IQGAP3: variants seen among roughly 807,000 people sequenced by gnomAD.
IQGAP3 encodes IQ motif containing GTPase activating protein 3.
Under a neutral mutation model 208.2 loss-of-function variants are expected in IQGAP3, and 165 were observed. That is an observed-to-expected ratio of 0.79 (90% CI 0.70 to 0.90). IQGAP3 has a LOEUF of 0.90. Among genes scored for constraint, IQGAP3 ranks in the 40% least tolerant of loss-of-function variants. IQGAP3 has a pLI of 0.00. For synonymous variants in IQGAP3, 703 were observed against 803.6 expected, an observed-to-expected ratio of 0.87 and a Z score of 2.12; for missense variants, 1,811 against 2,043.1, an observed-to-expected ratio of 0.89 and a Z score of 2.19.
chr1:156,533,098 T>C lies in IQGAP3; in HGVS notation c.3985A>G (p.Ile1329Val). Residue 1329 changes from isoleucine to valine, a missense_variant, in exon 32 of 38, where the codon ATC (isoleucine) becomes GTC (valine). Coordinates refer to ENST00000361170, the MANE Select transcript of IQGAP3 (RefSeq NM_178229.5). Reference sequence around the variant, plus strand: ...AGGTCCGTGTGCCCATCTGCAGCGATGCTCTCACCTGAGGTGTGGTGAGGA... The same window carrying C: ...AGGTCCGTGTGCCCATCTGCAGCGACGCTCTCACCTGAGGTGTGGTGAGGA... ...PTIPDLIGES[I>V]AADGHTDLSK... is the part of the protein sequence containing the mutation. 6.2e-7 allele frequency: 1 copy of C among 1,613,978 alleles called. No individual in the cohort carries two copies. The highest frequency in any genetic ancestry group is 1.3e-5 in the African/African-American group (1 of 75,028).
chr1:156,540,955 TC>T (rs1674950191), intron 22 of IQGAP3, 39 bp from the exon 23 acceptor site: 1 of 1,551,232 alleles, frequency 6.4e-7, no homozygotes, highest in Non-Finnish European at 8.9e-7. Flanking sequence ...TAGCCATGCC[TC>T]ATCAGAGGCC....
At chr1:156,536,220 T>C (rs6660471) in intron 27 of IQGAP3, among the ~76,000 whole-genome samples, 151,306 of 152,210 alleles carry the variant, frequency 0.99, 75,207 homozygotes, top group Middle Eastern at 1. Flanking sequence ...GCCCTGGGCA[T>C]TCCAGCCTGG....
chr1:156,560,858 C>A, intron 11 of IQGAP3, 76 bp downstream of exon 11: 1 of 1,042,360 alleles, frequency 9.6e-7, no homozygotes, highest in Non-Finnish European at 1.5e-6. Flanking sequence ...AATACAGAAG[C>A]CAGCAAAGAG....
Position 156,534,570 on chromosome 1 carries a change from G to T in IQGAP3, c.3671C>A (p.Ala1224Asp). 1 of 1,612,104 alleles carries T rather than the reference G, an allele frequency of 6.2e-7. No individual in the cohort carries two copies. ...QLLQHAAAGK[A>D]FSGQSQHLRV... ...TAGGTGCTGGCTCTGCCCAGAGAAG[G>T]CCTTGCCAGCCGCAGCGTGCTGTAG... Residue 1224 changes from alanine to aspartate, a missense_variant, in exon 29 of 38, where the codon GCC (alanine) becomes GAC (aspartate). Transcript: ENST00000361170.
intron 37 of IQGAP3, among the ~76,000 whole-genome samples, chr1:156,526,867 C>T (rs531458768): frequency 3.0e-4 from 45 of 152,184 alleles, no homozygotes; most frequent in Admixed American, 2.0e-3. Flanking sequence ...GAGTCTCACT[C>T]GGTCTCCCAG....
At chr1:156,554,126 G>A in intron 13 of IQGAP3, 109 bp downstream of exon 13, 1 of 1,364,050 alleles carries the variant, frequency 7.3e-7, no homozygotes, top group Non-Finnish European at 1.0e-6. Context: ...GTGGGCCTGG[G>A]CCCAAGAATG....
At chr1:156,546,223 T>C (rs1675237146) in intron 19 of IQGAP3, among the ~76,000 whole-genome samples, 1 of 152,160 alleles carries the variant, frequency 6.6e-6, no homozygotes. Flanking sequence ...GGATCCTGGA[T>C]GGGGTTCTGG....
In IQGAP3 at chr1:156,552,655, G is replaced by A. The variant is rs527412499; in HGVS notation, c.1449-560C>T. On this transcript the variant is annotated intron_variant, in intron 13 of 37. Coordinates refer to ENST00000361170, the MANE Select transcript of IQGAP3 (RefSeq NM_178229.5). ...ACTCCTTTTTCCCATCTCCGCTACC[G>A]CCCAAGGCCAAGCCCCCATCATCTC... Among the ~76,000 whole-genome samples the A allele has an allele frequency of 5.3e-5, 8 of 152,150 alleles. No homozygotes were observed. In the South Asian group the frequency reaches 8.3e-4, roughly 16 times the overall value.
rs201228644 is a variant in IQGAP3, at chr1:156,548,137, C to T, written c.2240G>A (p.Arg747Gln). 33 of 1,613,808 alleles carry T rather than the reference C, an allele frequency of 2.0e-5. No individual in the cohort carries two copies. In the African/African-American group the frequency reaches 3.2e-4, roughly 16 times the overall value. The change falls in exon 19 of 38, where the codon CGG (arginine) becomes CAG (glutamine). Residue 747 changes from arginine (R) to glutamine (Q), a missense_variant. Coordinates refer to ENST00000361170, the MANE Select transcript of IQGAP3 (RefSeq NM_178229.5). ...GTGGGAATGCTCAGCAAACTTCTGC[C>T]GAACTAGGAAGCCACGGAGGCGGGC... ...LQARLRGFLVRQKFAEHSHFL... is the reference protein window; with the variant it reads ...LQARLRGFLVQQKFAEHSHFL...
intron 13 of IQGAP3, among the ~76,000 whole-genome samples, chr1:156,553,899 A>T (rs1259287043): frequency 6.6e-6 from 1 of 152,098 alleles, no homozygotes; most frequent in Non-Finnish European, 1.5e-5. Flanking sequence ...TTCTTTTCTC[A>T]TCATCTGTCT....
chr1:156,534,232 T>C lies in IQGAP3; in HGVS notation c.3741-91A>G, dbSNP rs932106395. On this transcript the variant is annotated intron_variant, in intron 29 of 37. Coordinates refer to ENST00000361170, the MANE Select transcript of IQGAP3 (RefSeq NM_178229.5). ...TCATTTCCCCAGCCTTCTCCAGTGA[T>C]TGCTCAGGCCAATTTGGACTCTCCA... 262 of 1,580,718 alleles carry C rather than the reference T, an allele frequency of 1.7e-4. 1 individual carries two copies. The highest frequency in any genetic ancestry group is 1.7e-4 in the Middle Eastern group (1 of 5,838).
chr1:156,541,789 C>G (rs893399390), intron 22 of IQGAP3, among the ~76,000 whole-genome samples: 1 of 152,196 alleles, frequency 6.6e-6, no homozygotes, highest in African/African-American at 2.4e-5. Flanking sequence ...AACCACAATT[C>G]ACTGCAGTGT....
intron 1 of IQGAP3, 75 bp downstream of exon 1, chr1:156,572,418 A>T: frequency 6.7e-7 from 1 of 1,484,714 alleles, no homozygotes; most frequent in Non-Finnish European, 9.3e-7. Context: ...ACACGCCCCA[A>T]TCTCTCCCGG....
intron 16 of IQGAP3, among the ~76,000 whole-genome samples, chr1:156,549,306 A>T (rs555581729): frequency 2.6e-5 from 4 of 152,170 alleles, no homozygotes; most frequent in African/African-American, 9.6e-5. Flanking sequence ...ATATGTGCCT[A>T]CTAATAATAC....
intron 22 of IQGAP3, among the ~76,000 whole-genome samples, chr1:156,543,595 T>G (rs1485885751): frequency 6.6e-6 from 1 of 152,190 alleles, no homozygotes; most frequent in Non-Finnish European, 1.5e-5. Context: ...GCTTCTCACA[T>G]TCTCCACACC....
chr1:156,566,673 C>G, intron 2 of IQGAP3, 127 bp from the exon 3 acceptor site: 4 of 849,494 alleles, frequency 4.7e-6, no homozygotes, highest in African/African-American at 1.7e-5. Context: ...TGTTCCTGCT[C>G]TACCTCCAAC....
chr1:156,534,545 T>C lies in IQGAP3; in HGVS notation c.3696A>G (p.Leu1232=). 1 of 1,606,214 alleles carries C rather than the reference T, an allele frequency of 6.2e-7. No individual in the cohort carries two copies. The highest frequency in any genetic ancestry group is 8.5e-7 in the Non-Finnish European group (1 of 1,176,118). Residue 1232 remains leucine (L), a synonymous_variant, in exon 29 of 38, where the codon CTA becomes CTG. Coordinates refer to ENST00000361170, the MANE Select transcript of IQGAP3 (RefSeq NM_178229.5). ...CCTCCAGATAGTCATTCAGGACCCG[T>C]AGGTGCTGGCTCTGCCCAGAGAAGG... is the stretch of plus-strand genomic sequence containing the variant. The part of the protein sequence containing the change: ...GKAFSGQSQH[L]RVLNDYLEET...
At chr1:156,546,919 C>T (rs911846436) in intron 19 of IQGAP3, among the ~76,000 whole-genome samples, 4 of 152,212 alleles carry the variant, frequency 2.6e-5, no homozygotes, top group African/African-American at 9.6e-5. Context: ...ATCAAGTGTA[C>T]TCCAATTTCT....
At chr1:156,570,892 G>A (rs11805997) in intron 1 of IQGAP3, among the ~76,000 whole-genome samples, 9,305 of 152,238 alleles carry the variant, frequency 0.061, 988 homozygotes, top group African/African-American at 0.21. Flanking sequence ...AAATCTATGG[G>A]AGCAGCAGAG....
Sources: allele counts gnomAD v4.1 joint callset (sites outside exome capture counted in the v4.1 genomes callset), GRCh38; gene constraint gnomAD v4.1.1; transcripts MANE v1.5; gene names NCBI Gene and HGNC (gene_info 2026-07-23, HGNC 2026-07-21).